The following EMG1 variants were observed in gnomAD, a reference collection of about 807,000 sequenced individuals.
EMG1 encodes the protein EMG1 N1-specific pseudouridine methyltransferase, also known as ribosomal RNA small subunit methyltransferase NEP1.
In EMG1, 24 loss-of-function variants were observed where a neutral mutation model predicts 26.9. The observed-to-expected ratio is 0.89, with a 90% confidence interval of 0.65 to 1.26. The LOEUF (loss-of-function observed/expected upper bound fraction) is 1.26. EMG1 is among the 50% of genes most tolerant of loss of function. EMG1 has a pLI of 0.00. For missense variants in EMG1, 299 were observed against 307.6 expected (o/e 0.97, Z 0.21); for synonymous variants, 140 against 112.6 (o/e 1.24, Z -1.54).
chr12:6,984,106 G>C (rs1946499349), downstream of EMG1, among the ~76,000 whole-genome samples: 1 of 152,148 alleles, frequency 6.6e-6, no homozygotes, highest in African/African-American at 2.4e-5. Context: ...TTAATATCAG[G>C]CTAAATACTG....
At chr12:6,971,853 C>A (rs1226695286) in intron 1 of EMG1, among the ~76,000 whole-genome samples, 1 of 152,130 alleles carries the variant, frequency 6.6e-6, no homozygotes, top group Non-Finnish European at 1.5e-5. Flanking sequence ...CTGTCCAGAC[C>A]TGGTTATTAT....
intron 7 of EMG1, among the ~76,000 whole-genome samples, chr12:6,996,248 G>A (rs1358087892): frequency 6.6e-6 from 1 of 152,160 alleles, no homozygotes; most frequent in African/African-American, 2.4e-5. Flanking sequence ...TGCCTGGAAG[G>A]CTCTTTGCAC....
chr12:6,982,568 G>A, downstream of EMG1: 1 of 764,696 alleles, frequency 1.3e-6, no homozygotes, highest in Admixed American at 2.2e-5. Context: ...TGCTGGGAGA[G>A]GGGTTAGAAA....
Position 6,976,993 on chromosome 12 carries a change from AG to A in EMG1, c.*1185del, listed in dbSNP as rs1170606524. 4.7e-6 allele frequency: 3 copies of A among 641,594 alleles called. No homozygotes were observed. In the East Asian group the frequency reaches 7.6e-5, roughly 16 times the overall value. 39.7% of individuals were successfully genotyped at this position (641,594 alleles called of 1,614,324 possible). On this transcript the variant is annotated 3_prime_UTR_variant, in exon 6 of 6. Transcript: ENST00000599672. The stretch of plus-strand genomic sequence containing the variant: ...CTAGCATGCCTCAATAAGTCACAGT[AG>A]TCATTGCCCATACTGTGTTCCTTAG...
chr12:6,992,601 T>C (rs112173492), downstream of EMG1, among the ~76,000 whole-genome samples: 356 of 152,360 alleles, frequency 2.3e-3, 3 homozygotes, highest in African/African-American at 8.0e-3. Context: ...CAGGAACTTT[T>C]AGGAGTAGTC....
Position 6,977,871 on chromosome 12 carries a change from A to G in EMG1, c.*2062A>G. On this transcript the variant is annotated 3_prime_UTR_variant, in exon 6 of 6. Coordinates refer to ENST00000599672, the MANE Select transcript of EMG1 (RefSeq NM_006331.8). This position sits in a 1 kb window ranked among gnomAD's most constrained non-coding sequence, Gnocchi z 4.5. Reference sequence around the variant, plus strand: ...GTGGGTTCCCACGTGTAGCCCCCAGAGGGTACAGGAGGCAGTGCTGACTGA... The same window carrying G: ...GTGGGTTCCCACGTGTAGCCCCCAGGGGGTACAGGAGGCAGTGCTGACTGA... 1.9e-6 allele frequency: 2 copies of G among 1,067,670 alleles called. No homozygotes were observed. Among genetic ancestry groups the G allele is most frequent in the Non-Finnish European group, 2.8e-6 (2 of 718,710 alleles). The allele number at this position is 1,067,670 out of a possible 1,614,324, so 66.1% of individuals were successfully genotyped here. A position where few individuals can be genotyped will look rare whatever the true frequency, so the allele number is the denominator to read the frequency against.
chr12:6,989,786 C>CT (rs1591550643), downstream of EMG1, among the ~76,000 whole-genome samples: 2 of 152,282 alleles, frequency 1.3e-5, no homozygotes, highest in East Asian at 3.9e-4. Context: ...GGAACGTTTT[C>CT]TTATTTCCTG....
At chr12:6,983,513 G>A (rs1946491907), downstream of EMG1, 7 of 1,611,744 alleles carry the variant, frequency 4.3e-6, no homozygotes, top group Non-Finnish European at 5.9e-6. Flanking sequence ...AAAAGGTAAT[G>A]CCGATAAAAC....
Position 6,976,895 on chromosome 12 carries a change from CAAGA to C in EMG1, c.*1087_*1090del, listed in dbSNP as rs1193475384. ...GCACCAGTCCCGCACAGGCCACCTG[CAAGA>C]CAAGAGGAGTTTGGAAGGCTGGTTA... is the stretch of plus-strand genomic sequence containing the variant. On this transcript the variant is annotated 3_prime_UTR_variant, in exon 6 of 6. Coordinates refer to ENST00000599672, the MANE Select transcript of EMG1 (RefSeq NM_006331.8). 1 of 456,880 alleles carries C rather than the reference CAAGA, an allele frequency of 2.2e-6. No homozygotes were observed. The highest frequency in any genetic ancestry group is 4.0e-6 in the Non-Finnish European group (1 of 247,520). 28.3% of individuals were successfully genotyped at this position (456,880 alleles called of 1,614,324 possible).
intron 6 of EMG1, among the ~76,000 whole-genome samples, chr12:6,986,928 A>C (rs1555154891): frequency 6.6e-6 from 1 of 152,116 alleles, no homozygotes; most frequent in African/African-American, 2.4e-5. Flanking sequence ...AGCCTGGCCA[A>C]CATGGTGAAA....
downstream of EMG1, chr12:6,983,131 C>A: frequency 4.1e-6 from 2 of 491,104 alleles, no homozygotes; most frequent in Non-Finnish European, 7.5e-6. Context: ...AAGAATGAAT[C>A]TAAGTGGGGA....
At position 6,970,974 on chromosome 12, in the gene EMG1, G is replaced by C; in HGVS notation, c.51G>C (p.Glu17Asp). 1 of 1,612,922 alleles carries C rather than the reference G, an allele frequency of 6.2e-7. No homozygotes were observed. Among genetic ancestry groups the C allele is most frequent in the South Asian group, 1.1e-5 (1 of 90,818 alleles). The change falls in exon 1 of 6, where the codon GAG becomes GAC. Residue 17 changes from glutamate to aspartate, a missense_variant. Physicochemically the swap from Glu to Asp is conservative, Grantham distance 45. Transcript: ENST00000599672. ...AGCCTCGTGAACGAAGCGGTGGGGA[G>C]CAGGCACAGGACTGGGATGCTCTGC... ...GFKPRERSGG[E>D]QAQDWDALPP...
At chr12:6,981,442 A>G, downstream of EMG1, 1 of 805,992 alleles carries the variant, frequency 1.2e-6, no homozygotes, top group Admixed American at 2.1e-5. Flanking sequence ...AGATTTGTTG[A>G]TCCTTGCTCA....
rs1946368836 is a variant in EMG1, at chr12:6,974,441, G to GTAA, written c.270+2_270+4dup. 2 of 1,613,154 alleles carry GTAA rather than the reference G, an allele frequency of 1.2e-6. No individual in the cohort carries two copies. Among genetic ancestry groups the GTAA allele is most frequent in the African/African-American group, 2.7e-5 (2 of 74,916 alleles). Reference sequence around the variant, plus strand: ...AGCGCGGCCAGATATCACCCACCAGGTAACTCCAGGGACAGTGCTCACAAC... The same window carrying GTAA: ...AGCGCGGCCAGATATCACCCACCAGGTAATAACTCCAGGGACAGTGCTCACAAC... On this transcript the variant is annotated splice_donor_variant, in intron 2 of 5. Coordinates refer to ENST00000599672, the MANE Select transcript of EMG1 (RefSeq NM_006331.8). LOFTEE classifies it high-confidence loss of function.
In EMG1 at chr12:6,987,892, G is replaced by A. The variant is rs1404488530; in HGVS notation, c.*211+54G>A. On this transcript the variant is annotated intron_variant and NMD_transcript_variant, in intron 7 of 7. Transcript: ENST00000261406. The surrounding 1 kb of genome is among the most constrained non-coding windows in gnomAD (Gnocchi z 4.1). Reference sequence around the variant, plus strand: ...CAAGGCCTACACTGTCCTGAGTTCTGAGTTCTTGTGTCCACTTCTTATAGC... The same window carrying A: ...CAAGGCCTACACTGTCCTGAGTTCTAAGTTCTTGTGTCCACTTCTTATAGC... The A allele has an allele frequency of 5.0e-6, 2 of 400,538 alleles. No individual in the cohort carries two copies. The highest frequency in any genetic ancestry group is 8.8e-6 in the Non-Finnish European group (2 of 226,172). 24.8% of individuals were successfully genotyped at this position (400,538 alleles called of 1,614,324 possible). A position where few individuals can be genotyped will look rare whatever the true frequency, so the allele number is the denominator to read the frequency against.
chr12:6,974,473 A>G lies in EMG1; in HGVS notation c.270+33A>G, dbSNP rs1256494355. The G allele has an allele frequency of 1.9e-6, 3 of 1,608,774 alleles. No homozygotes were observed. In the African/African-American group the frequency reaches 4.0e-5, roughly 22 times the overall value. On this transcript the variant is annotated intron_variant, in intron 2 of 5. Transcript: ENST00000599672. Reference sequence around the variant, plus strand: ...CAGGGACAGTGCTCACAACCCTTTGAGCCTCTGTATGGAAGGGTTGGCAGC... The same window carrying G: ...CAGGGACAGTGCTCACAACCCTTTGGGCCTCTGTATGGAAGGGTTGGCAGC...
Position 6,975,712 on chromosome 12 carries a change from C to CCATCTCTGT in EMG1, c.638_639insCATCTCTGT (p.Thr213_Glu214insIleSerVal). On this transcript the variant is annotated inframe_insertion, in exon 6 of 6. Transcript: ENST00000599672. ...TTTTCTTAGGTCAGTGTGGAGTATA[C>CCATCTCTGT]AGAGAAGATGGTGTCCATCAGTAAC... 1 of 1,610,022 alleles carries CCATCTCTGT rather than the reference C, an allele frequency of 6.2e-7. No homozygotes were observed. Among genetic ancestry groups the CCATCTCTGT allele is most frequent in the Non-Finnish European group, 8.5e-7 (1 of 1,176,220 alleles).
downstream of EMG1, chr12:6,980,660 TCTAC>T (rs1176760505): frequency 1.8e-5 from 3 of 163,846 alleles, no homozygotes; most frequent in African/African-American, 4.8e-5. Context: ...CCAGCCTCTA[TCTAC>T]CTACCTACCT....
chr12:6,993,062 G>GT (rs1946604181), downstream of EMG1, among the ~76,000 whole-genome samples: 1 of 152,120 alleles, frequency 6.6e-6, no homozygotes, highest in Non-Finnish European at 1.5e-5. Flanking sequence ...ACTATACACA[G>GT]TTTCCTGGAT....
Sources: allele counts gnomAD v4.1 joint callset (sites outside exome capture counted in the v4.1 genomes callset), GRCh38; gene constraint gnomAD v4.1.1; non-coding constraint Gnocchi (gnomAD v3.1); transcripts MANE v1.5; gene names NCBI Gene and HGNC (gene_info 2026-07-23, HGNC 2026-07-21).